Variants in TNS1 observed in about 807,000 individuals in gnomAD.
The protein encoded by TNS1 is tensin 1.
TNS1 carries 62 observed loss-of-function variants against 168.6 expected under a neutral mutation model. The ratio of observed to expected loss-of-function variants is 0.37; its 90% CI spans 0.30 to 0.45. The LOEUF (loss-of-function observed/expected upper bound fraction) is 0.45. TNS1 is among the 20% of genes least tolerant of loss of function. TNS1 has a pLI of 1.00. For synonymous variants in TNS1, 934 were observed against 933.2 expected (o/e 1.00, Z -0.02); for missense variants, 2,240 against 2,339.4 (o/e 0.96, Z 0.88).
intron 19 of TNS1, among the ~76,000 whole-genome samples, chr2:217,840,925 C>T (rs55764538): frequency 0.44 from 67,380 of 151,590 alleles, 16,242 homozygotes; most frequent in African/African-American, 0.66. Context: ...AGCTCTGGCT[C>T]ATGCAGACAG....
intron 2 of TNS1, among the ~76,000 whole-genome samples, chr2:217,988,794 C>T (rs1211445722): frequency 3.3e-5 from 5 of 152,186 alleles, no homozygotes; most frequent in Admixed American, 3.3e-4. Context: ...CACTCGGGCC[C>T]CACTCCTGGG....
At chr2:218,030,166 C>G (rs1208506595) in intron 1 of TNS1, among the ~76,000 whole-genome samples, 2 of 152,154 alleles carry the variant, frequency 1.3e-5, no homozygotes, top group Admixed American at 6.5e-5. Flanking sequence ...AGCATGTGTG[C>G]TAGGGCTCCC....
At chr2:217,838,073 G>A (rs1008209644) in intron 19 of TNS1, among the ~76,000 whole-genome samples, 2 of 152,224 alleles carry the variant, frequency 1.3e-5, no homozygotes, top group African/African-American at 2.4e-5. Context: ...TTTGGGAGAC[G>A]CTCTTGGGGT....
At chr2:217,865,945 A>G (rs1365105388) in intron 18 of TNS1, among the ~76,000 whole-genome samples, 1 of 152,220 alleles carries the variant, frequency 6.6e-6, no homozygotes, top group South Asian at 2.1e-4. Flanking sequence ...TCCACAAGCC[A>G]TGGTCACTCA....
chr2:218,031,196 ATG>A lies in TNS1; in HGVS notation c.156+2622_156+2623del, dbSNP rs1342399290. 7.0e-5 allele frequency among the ~76,000 whole-genome samples: 8 copies of A among 113,544 alleles called. No homozygotes were observed. The East Asian group carries it at 8.5e-4, about 12-fold the overall frequency. The allele number at this position is 113,544 out of a possible 152,430, so 74.5% of individuals were successfully genotyped here. ...CTTGTGTGAGTGTGAATGTGTCTGT[ATG>A]TGTGTGAGTGTGTCTGTGTGTATGA... is the stretch of plus-strand genomic sequence containing the variant. On this transcript the variant is annotated intron_variant, in intron 1 of 1. Coordinates refer to the TNS1 transcript ENST00000649572.
intron 2 of TNS1, among the ~76,000 whole-genome samples, chr2:217,989,027 G>GCTCAT (rs1410278670): frequency 6.6e-6 from 1 of 152,152 alleles, no homozygotes; most frequent in Non-Finnish European, 1.5e-5. Flanking sequence ...GAGAAGCCAG[G>GCTCAT]GAGAGAAAGA....
chr2:217,883,172 C>T (rs998981676), intron 16 of TNS1, among the ~76,000 whole-genome samples: 5 of 152,300 alleles, frequency 3.3e-5, no homozygotes, highest in Non-Finnish European at 5.9e-5. Context: ...ACTACTACCC[C>T]TACTTCCTGT....
chr2:217,826,729 G>A (rs901859917), intron 22 of TNS1, among the ~76,000 whole-genome samples: 48 of 152,204 alleles, frequency 3.2e-4, no homozygotes, highest in Non-Finnish European at 6.8e-4. Context: ...AGTTGGGCAG[G>A]GCGGGAGAGG....
intron 3 of TNS1, among the ~76,000 whole-genome samples, chr2:217,927,367 G>T (rs1228960533): frequency 6.6e-6 from 1 of 152,154 alleles, no homozygotes; most frequent in East Asian, 1.9e-4. Flanking sequence ...TGGCACAACG[G>T]TCTTTCTAGG....
chr2:217,897,137 G>A (rs1472472156), intron 8 of TNS1, among the ~76,000 whole-genome samples: 2 of 152,078 alleles, frequency 1.3e-5, no homozygotes, highest in African/African-American at 4.8e-5. Context: ...CAGATCTGTG[G>A]GTCCAGTCCA....
intron 1 of TNS1, among the ~76,000 whole-genome samples, chr2:217,997,379 A>G (rs1958490119): frequency 6.6e-6 from 1 of 152,136 alleles, no homozygotes; most frequent in South Asian, 2.1e-4. Flanking sequence ...CAGGATCCTG[A>G]ACTGCCTTTA....
chr2:217,887,436 G>A (rs1325176198), intron 12 of TNS1, among the ~76,000 whole-genome samples: 1 of 152,202 alleles, frequency 6.6e-6, no homozygotes, highest in African/African-American at 2.4e-5. Flanking sequence ...AGCCTCCTGA[G>A]TAGCTGGGAT....
intron 2 of TNS1, among the ~76,000 whole-genome samples, chr2:217,985,787 C>T (rs1489680060): frequency 6.6e-6 from 1 of 152,114 alleles, no homozygotes; most frequent in Non-Finnish European, 1.5e-5. Flanking sequence ...CAAGTTCTTA[C>T]TAGTAAGGGT....
chr2:217,812,990 T>C (rs1032343050), intron 27 of TNS1, among the ~76,000 whole-genome samples: 1 of 152,244 alleles, frequency 6.6e-6, no homozygotes, highest in African/African-American at 2.4e-5. Context: ...GTTATAATGA[T>C]AACAAGTCCC....
intron 22 of TNS1, among the ~76,000 whole-genome samples, chr2:217,825,795 G>A (rs1217726662): frequency 1.3e-5 from 2 of 152,216 alleles, no homozygotes; most frequent in Admixed American, 1.3e-4. Flanking sequence ...CCATGGGACA[G>A]TGTATTAGAA....
intron 4 of TNS1, among the ~76,000 whole-genome samples, chr2:217,909,544 G>A (rs945672790): frequency 6.6e-6 from 1 of 150,714 alleles, no homozygotes; most frequent in Non-Finnish European, 1.5e-5. Context: ...CACCTAGAGG[G>A]CTGTTGACCC....
intron 1 of TNS1, among the ~76,000 whole-genome samples, chr2:218,023,878 G>A (rs915399352): frequency 6.6e-6 from 1 of 151,796 alleles, no homozygotes; most frequent in Non-Finnish European, 1.5e-5. Context: ...AGAAGCTTCT[G>A]AAACAGCCCC....
chr2:217,951,845 T>C (rs1957251104), intron 3 of TNS1, among the ~76,000 whole-genome samples: 1 of 152,248 alleles, frequency 6.6e-6, no homozygotes, highest in Non-Finnish European at 1.5e-5. Flanking sequence ...CCCAGGTTTT[T>C]CAGTTTCTGT....
chr2:217,954,594 T>C (rs764117911), intron 3 of TNS1, among the ~76,000 whole-genome samples: 3 of 151,956 alleles, frequency 2.0e-5, no homozygotes, highest in Non-Finnish European at 4.4e-5. Context: ...AAGGCAGGAG[T>C]TGGACTCAGG....
Sources: gnomAD v4.1 joint callset for allele counts (sites outside exome capture counted in the v4.1 genomes callset) on GRCh38, gnomAD v4.1.1 for gene constraint, MANE v1.5 for transcripts, NCBI Gene and HGNC (gene_info 2026-07-23, HGNC 2026-07-21) for gene names.